Variants in NOXA1 observed in about 807,000 individuals in gnomAD.
NOXA1 encodes the protein NCF2-like protein.
A neutral mutation model predicts 64.8 loss-of-function variants in NOXA1; 56 were observed. The ratio of observed to expected loss-of-function variants is 0.86; its 90% CI spans 0.70 to 1.08. NOXA1 has a LOEUF of 1.08. Ranked by LOEUF, NOXA1 falls within the 50% of genes least tolerant of loss-of-function variation. NOXA1 has a pLI of 0.00. For synonymous variants in NOXA1, 295 were observed against 294.8 expected (o/e 1.00, Z -0.01); for missense variants, 668 against 658.5 (o/e 1.01, Z -0.16).
Position 137,430,686 on chromosome 9 carries a change from G to A in NOXA1, c.613-98G>A. On this transcript the variant is annotated intron_variant, in intron 5 of 13. Coordinates refer to ENST00000683555, the MANE Select transcript of NOXA1 (RefSeq NM_001256067.2). ...CATGGGCAGCTGTCACCCAGCCCCC[G>A]GGGACTTAGAGCTGCGGGGCACGGT... 5.7e-6 allele frequency: 6 copies of A among 1,053,316 alleles called. 1 individual carries two copies. In the South Asian group the frequency reaches 8.6e-5, roughly 15 times the overall value. 65.2% of individuals were successfully genotyped at this position (1,053,316 alleles called of 1,614,324 possible). A position where few individuals can be genotyped will look rare whatever the true frequency, so the allele number is the denominator to read the frequency against.
At chr9:137,427,231 C>T (rs749590605) in intron 2 of NOXA1, among the ~76,000 whole-genome samples, 27 of 152,100 alleles carry the variant, frequency 1.8e-4, no homozygotes, top group Non-Finnish European at 2.9e-4. Context: ...GACAGGCTCA[C>T]GGGTGTGAGA....
chr9:137,423,618 TCTC>T lies in NOXA1; in HGVS notation c.90_92del (p.Phe30_Ser31delinsLeu). ...GACTGGGCCCGCGCCTTGCACCTCT[TCTC>T]GGGCGTCCCGGCGCCGCCCGCCAGG... On this transcript the variant is annotated inframe_deletion, in exon 1 of 14. Coordinates refer to ENST00000683555, the MANE Select transcript of NOXA1 (RefSeq NM_001256067.2). 1 of 1,459,104 alleles carries T rather than the reference TCTC, an allele frequency of 6.9e-7. No individual in the cohort carries two copies. The highest frequency in any genetic ancestry group is 2.2e-5 in the Admixed American group (1 of 45,134). 90.4% of individuals were successfully genotyped at this position (1,459,104 alleles called of 1,614,324 possible). A position where few individuals can be genotyped will look rare whatever the true frequency, so the allele number is the denominator to read the frequency against.
At position 137,434,014 on chromosome 9, in the gene NOXA1, A is replaced by C; in HGVS notation, c.1229A>C (p.Tyr410Ser). Residue 410 changes from tyrosine (Y) to serine (S), a missense_variant, in exon 13 of 14, where the codon TAC (tyrosine) becomes TCC (serine). Transcript: ENST00000683555. ...VLYQVVAQHS[Y>S]SAQGPEDLGF... ...TACCAGGTGGTGGCCCAGCACAGCT[A>C]CTCCGCCCAGGGGCCAGAGGACCTG... 1 of 1,569,342 alleles carries C rather than the reference A, an allele frequency of 6.4e-7. No homozygotes were observed. The highest frequency in any genetic ancestry group is 8.6e-7 in the Non-Finnish European group (1 of 1,161,470).
chr9:137,432,861 C>G (rs77639116), intron 8 of NOXA1, among the ~76,000 whole-genome samples, 168 bp from the exon 9 acceptor site: 1,903 of 152,320 alleles, frequency 0.012, 42 homozygotes, highest in African/African-American at 0.042. Context: ...CCAGCCCCAT[C>G]CTAAGGCAGC....
chr9:137,425,939 T>A (rs1378220223), intron 1 of NOXA1, among the ~76,000 whole-genome samples: 2 of 152,170 alleles, frequency 1.3e-5, no homozygotes, highest in Non-Finnish European at 2.9e-5. Context: ...AGGTAACTAT[T>A]ATTAACATAC....
chr9:137,428,748 A>ATGGGGGAGGGGCCAGGTGGGGGGAC (rs1838952433), intron 3 of NOXA1, 134 bp from the exon 4 acceptor site: 1 of 541,632 alleles, frequency 1.8e-6, no homozygotes, highest in Non-Finnish European at 2.6e-6. Flanking sequence ...GGGTGGGGGG[A>ATGGGGGAGGGGCCAGGTGGGGGGAC]TGGGGGAGGG....
chr9:137,428,149 C>T lies in NOXA1; in HGVS notation c.369+8C>T, dbSNP rs201670961. 68 of 1,551,052 alleles carry T rather than the reference C, an allele frequency of 4.4e-5. No homozygotes were observed. Among genetic ancestry groups the T allele is most frequent in the Middle Eastern group, 2.2e-4 (1 of 4,470 alleles). ...AAGCTGCAAGCCTGGGAGGTGAGGC[C>T]GGGCAGGGCTCACTGTGCTGCTGGC... On this transcript the variant is annotated splice_region_variant and intron_variant, in intron 3 of 13. Coordinates refer to ENST00000683555, the MANE Select transcript of NOXA1 (RefSeq NM_001256067.2).
In NOXA1 at chr9:137,428,044, C is replaced by G; in HGVS notation, c.272C>G (p.Ala91Gly). Reference protein sequence around the residue: ...ANFQLARFQEALSDFWLALEQ... With the variant: ...ANFQLARFQEGLSDFWLALEQ... ...CCGGCTGCCCACAGGTTCCAGGAGG[C>G]TCTGTCTGACTTCTGGCTGGCCCTG... The change falls in exon 3 of 14, where the codon GCT (alanine) becomes GGT (glycine). Residue 91 changes from alanine to glycine, a missense_variant. Ala to Gly is a moderately conservative substitution (Grantham distance 60, BLOSUM62 0). Coordinates refer to ENST00000683555, the MANE Select transcript of NOXA1 (RefSeq NM_001256067.2). The G allele has an allele frequency of 6.3e-7, 1 of 1,577,330 alleles. No individual in the cohort carries two copies. Among genetic ancestry groups the G allele is most frequent in the Non-Finnish European group, 8.6e-7 (1 of 1,162,374 alleles).
chr9:137,434,109 C>T, intron 13 of NOXA1, 30 bp downstream of exon 13: 1 of 1,583,344 alleles, frequency 6.3e-7, no homozygotes. Flanking sequence ...TCCCAGGCAG[C>T]ACCGTGGTGC....
chr9:137,430,425 C>T (rs1435741401), intron 5 of NOXA1, among the ~76,000 whole-genome samples: 2 of 152,218 alleles, frequency 1.3e-5, no homozygotes, highest in Non-Finnish European at 2.9e-5. Flanking sequence ...CTGCGCTGCG[C>T]CACGGCCGAC....
At chr9:137,428,842 G>A in intron 3 of NOXA1, 40 bp from the exon 4 acceptor site, 1 of 1,535,354 alleles carries the variant, frequency 6.5e-7, no homozygotes, top group Non-Finnish European at 8.7e-7. Context: ...GGCCTGGGTG[G>A]GGCATCAGGC....
Position 137,434,055 on chromosome 9 carries a change from G to A in NOXA1, c.1270G>A (p.Asp424Asn), listed in dbSNP as rs1005519069. The A allele has an allele frequency of 6.3e-6, 10 of 1,578,738 alleles. No individual in the cohort carries two copies. The highest frequency in any genetic ancestry group is 1.1e-5 in the South Asian group (1 of 88,482). The change falls in exon 13 of 14, where the codon GAC (aspartate) becomes AAC (asparagine). Residue 424 changes from aspartate to asparagine, a missense_variant. Transcript: ENST00000683555. ...GPEDLGFRQG[D>N]TVDVLCEVDQ... ...AGAGGACCTGGGCTTCCGACAGGGG[G>A]ACACGGTGGACGTCCTGTGTGAAGG...
At chr9:137,426,746 CA>C (rs1219176158) in intron 2 of NOXA1, among the ~76,000 whole-genome samples, 1 of 152,150 alleles carries the variant, frequency 6.6e-6, no homozygotes, top group African/African-American at 2.4e-5. Flanking sequence ...TCTAAAATCC[CA>C]AAAAATATAA....
Position 137,426,321 on chromosome 9 carries a change from A to G in NOXA1, c.251A>G (p.Gln84Arg), listed in dbSNP as rs1263678024. Residue 84 changes from glutamine to arginine, a missense_variant, in exon 2 of 14, where the codon CAG becomes CGG. By Grantham distance (43) the Gln-to-Arg change is conservative (BLOSUM62 1). Transcript: ENST00000683555. ...TTCCAGCGAGGAGTGGCCAACTTCC[A>G]GCTGGCAAGGTGAGTACAGGGGTGC... is the stretch of plus-strand genomic sequence containing the variant. ...GFFQRGVANF[Q>R]LARFQEALSD... 1 of 1,613,608 alleles carries G rather than the reference A, an allele frequency of 6.2e-7. No individual in the cohort carries two copies. Among genetic ancestry groups the G allele is most frequent in the African/African-American group, 1.3e-5 (1 of 74,928 alleles).
At position 137,433,995 on chromosome 9, in the gene NOXA1, G is replaced by A; in HGVS notation, c.1210G>A (p.Val404Met). Residue 404 changes from valine (V) to methionine (M), a missense_variant, in exon 13 of 14, where the codon GTG (valine) becomes ATG (methionine). Transcript: ENST00000683555. ...CGGGGGTCGGCCGGTCCTCTACCAG[G>A]TGGTGGCCCAGCACAGCTACTCCGC... ...GAGGRPVLYQ[V>M]VAQHSYSAQG... 1 of 1,562,814 alleles carries A rather than the reference G, an allele frequency of 6.4e-7. No individual in the cohort carries two copies. The highest frequency in any genetic ancestry group is 8.6e-7 in the Non-Finnish European group (1 of 1,157,442).
intron 1 of NOXA1, 67 bp downstream of exon 1, chr9:137,423,773 C>A (rs1294492375): frequency 8.7e-7 from 1 of 1,151,934 alleles, no homozygotes; most frequent in East Asian, 3.5e-5. Context: ...GAGGGCCCAG[C>A]GCCCCTCCCC....
intron 3 of NOXA1, 132 bp downstream of exon 3, chr9:137,428,273 A>G (rs914753119): frequency 6.2e-6 from 4 of 644,256 alleles, no homozygotes; most frequent in Non-Finnish European, 1.1e-5. Context: ...TACCCTGGCC[A>G]CTCCTTGACC....
Position 137,430,765 on chromosome 9 carries a change from TCC to T in NOXA1, c.613-16_613-15del, listed in dbSNP as rs1839075726. The T allele has an allele frequency of 6.3e-7, 1 of 1,586,730 alleles. No homozygotes were observed. The highest frequency in any genetic ancestry group is 1.1e-5 in the South Asian group (1 of 89,602). On this transcript the variant is annotated splice_polypyrimidine_tract_variant and intron_variant, in intron 5 of 13. Transcript: ENST00000683555. ...TGGGCCGCTGATCCCTGACCCAGCG[TCC>T]CCACTGTCCCCGCCAGGTGGTGGCC...
intron 10 of NOXA1, 90 bp from the exon 11 acceptor site, chr9:137,433,363 C>T (rs1459713979): frequency 6.7e-7 from 1 of 1,495,688 alleles, no homozygotes; most frequent in African/African-American, 1.4e-5. Context: ...CTCACCTGCC[C>T]AGTCTCTGTC....
Sources: gnomAD v4.1 joint callset for allele counts (sites outside exome capture counted in the v4.1 genomes callset) on GRCh38, gnomAD v4.1.1 for gene constraint, MANE v1.5 for transcripts, NCBI Gene and HGNC (gene_info 2026-07-23, HGNC 2026-07-21) for gene names.